USP31: variants seen among roughly 807,000 people sequenced by gnomAD.
The protein encoded by USP31 is ubiquitin carboxyl-terminal hydrolase 31.
In USP31, 44 loss-of-function variants were observed where a neutral mutation model predicts 119.4. The observed-to-expected ratio is 0.37, with a 90% CI of 0.29 to 0.47. The LOEUF (loss-of-function observed/expected upper bound fraction) is 0.47, where lower values mean the gene tolerates loss of function less well. USP31 is among the 20% of genes least tolerant of loss of function. USP31 has a pLI of 0.99. For missense variants in USP31, 1,643 were observed against 1,730.2 expected, an observed-to-expected ratio of 0.95 and a Z score of 0.89; for synonymous variants, 749 against 705.6, an observed-to-expected ratio of 1.06 and a Z score of -0.97.
intron 14 of USP31, among the ~76,000 whole-genome samples, chr16:23,073,491 C>T (rs1900428602): frequency 6.6e-6 from 1 of 152,284 alleles, no homozygotes; most frequent in Non-Finnish European, 1.5e-5. Context: ...GCTTTCTTTG[C>T]GCCAGGTCCA....
chr16:23,143,778 A>C (rs1903425078), intron 1 of USP31, among the ~76,000 whole-genome samples: 1 of 152,088 alleles, frequency 6.6e-6, no homozygotes, highest in Non-Finnish European at 1.5e-5. Flanking sequence ...ATTGTGTGAC[A>C]TTTAGCAGCA....
Position 23,068,391 on chromosome 16 carries a change from G to C in USP31, c.3714C>G (p.Thr1238=), listed in dbSNP as rs372734656. 6 of 1,613,856 alleles carry C rather than the reference G, an allele frequency of 3.7e-6. No individual in the cohort carries two copies. The highest frequency in any genetic ancestry group is 4.2e-6 in the Non-Finnish European group (5 of 1,180,050). ...FFKSALRQKE[T]RRSTDLGKTA... is the part of the protein sequence containing the mutation. ...TCTTGCCAAGATCCGTCGAGCGCCG[G>C]GTTTCCTTCTGTCTCAAGGCTGATT... Residue 1238 remains threonine (T), a synonymous_variant, in exon 16 of 16, where the codon ACC becomes ACG. Transcript: ENST00000219689.
chr16:23,135,141 A>T (rs1388650598), intron 1 of USP31, among the ~76,000 whole-genome samples: 1 of 133,824 alleles, frequency 7.5e-6, no homozygotes, highest in Non-Finnish European at 1.7e-5. Flanking sequence ...ATGATTTAAA[A>T]AAAAAAAAAA....
intron 11 of USP31, 75 bp from the exon 12 acceptor site, chr16:23,082,632 C>T: frequency 6.3e-7 from 1 of 1,592,014 alleles, no homozygotes; most frequent in Non-Finnish European, 8.6e-7. Flanking sequence ...AATGCCTTAG[C>T]CAGGGCATGG....
At chr16:23,117,706 C>A (rs1410239292) in intron 1 of USP31, among the ~76,000 whole-genome samples, 2 of 151,384 alleles carry the variant, frequency 1.3e-5, no homozygotes, top group South Asian at 2.1e-4. Context: ...TTATGAATAC[C>A]AGGGTTCAAG....
rs770213039 is a variant in USP31, at chr16:23,068,766, C to T, written c.3339G>A (p.Gln1113=). The T allele has an allele frequency of 6.3e-7, 1 of 1,580,938 alleles. No homozygotes were observed. The highest frequency in any genetic ancestry group is 1.4e-5 in the African/African-American group (1 of 73,482). The change falls in exon 16 of 16, where the codon CAG becomes CAA. Residue 1113 remains glutamine, a synonymous_variant. Transcript: ENST00000219689. ...SQDSVSSPSP[Q]KQKSASALTY... ...TGAGGGCCGAGGCTGACTTCTGCTT[C>T]TGTGGCGAAGGAGATGACACGGAGT...
At chr16:23,095,466 G>A (rs1901562829) in intron 6 of USP31, among the ~76,000 whole-genome samples, 1 of 152,138 alleles carries the variant, frequency 6.6e-6, no homozygotes, top group Admixed American at 6.5e-5. Flanking sequence ...TAGCAAGGCA[G>A]GCCAACATTC....
At chr16:23,074,153 A>C (rs1567225662) in intron 13 of USP31, among the ~76,000 whole-genome samples, 2 of 152,192 alleles carry the variant, frequency 1.3e-5, no homozygotes, top group African/African-American at 4.8e-5. Context: ...CAACCAGGGA[A>C]CTGTGTCTGT....
At chr16:23,074,913 AAAC>A (rs1254642446) in intron 13 of USP31, among the ~76,000 whole-genome samples, 2 of 152,238 alleles carry the variant, frequency 1.3e-5, no homozygotes, top group Non-Finnish European at 2.9e-5. Context: ...GGGTGAGAAT[AAAC>A]GAGTGCTAGA....
At chr16:23,140,432 A>T (rs1903321379) in intron 1 of USP31, among the ~76,000 whole-genome samples, 1 of 152,148 alleles carries the variant, frequency 6.6e-6, no homozygotes, top group South Asian at 2.1e-4. Context: ...CCAACAACAA[A>T]GAATTAGCCA....
At chr16:23,092,211 C>T (rs1432098658) in intron 6 of USP31, among the ~76,000 whole-genome samples, 1 of 152,174 alleles carries the variant, frequency 6.6e-6, no homozygotes, top group Non-Finnish European at 1.5e-5. Context: ...TAGAGGCTAA[C>T]GCAGACTCAA....
chr16:23,139,168 C>T (rs1903278164), intron 1 of USP31, among the ~76,000 whole-genome samples: 1 of 152,122 alleles, frequency 6.6e-6, no homozygotes, highest in Non-Finnish European at 1.5e-5. Context: ...TTTGGGAGGC[C>T]GAGGCGGGTG....
chr16:23,134,833 A>G (rs1047385200), intron 1 of USP31, among the ~76,000 whole-genome samples: 1 of 151,982 alleles, frequency 6.6e-6, no homozygotes, highest in African/African-American at 2.4e-5. Flanking sequence ...CTAAAAGAGG[A>G]AGAGAATGAG....
chr16:23,125,791 G>A (rs2141891502), intron 1 of USP31, among the ~76,000 whole-genome samples: 1 of 152,234 alleles, frequency 6.6e-6, no homozygotes, highest in East Asian at 1.9e-4. Context: ...TAATTACTGG[G>A]AGCAACTCTG....
rs1227556861 is a variant in USP31, at chr16:23,082,365, C to T, written c.1950+73G>A. On this transcript the variant is annotated intron_variant, in intron 12 of 15. Transcript: ENST00000219689. ...AAACAGGTATACCAAAGAACCCTCACAGAGCCCATCAGCAGGGGGCATAAG... is the reference window on the plus strand; with the variant it reads ...AAACAGGTATACCAAAGAACCCTCATAGAGCCCATCAGCAGGGGGCATAAG... The T allele has an allele frequency of 2.5e-6, 4 of 1,586,530 alleles. No individual in the cohort carries two copies. In the South Asian group the frequency reaches 3.4e-5, roughly 14 times the overall value.
chr16:23,121,490 C>G (rs1451645938), intron 1 of USP31, among the ~76,000 whole-genome samples: 2 of 152,198 alleles, frequency 1.3e-5, no homozygotes, highest in African/African-American at 2.4e-5. Flanking sequence ...CAATTCTAGT[C>G]AGTTCAGGCC....
In USP31 at chr16:23,090,803, T is replaced by C; in HGVS notation, c.1236A>G (p.Gly412=). The change falls in exon 7 of 16, where the codon GGA becomes GGG. Residue 412 remains glycine (G), a splice_region_variant and synonymous_variant. Transcript: ENST00000219689. ...GGTTTAGGTTGTTGTTTAAATGAATTCCTGAAACAGAATAAAAACAACTCA... is the reference window on the plus strand; with the variant it reads ...GGTTTAGGTTGTTGTTTAAATGAATCCCTGAAACAGAATAAAAACAACTCA... ...FRPEGILSQR[G]IHLNNNLNHL... is the part of the protein sequence containing the mutation. 6.5e-7 allele frequency: 1 copy of C among 1,537,528 alleles called. No individual in the cohort carries two copies. The highest frequency in any genetic ancestry group is 1.7e-5 in the Admixed American group (1 of 58,110).
chr16:23,137,267 T>C (rs924211561), intron 1 of USP31, among the ~76,000 whole-genome samples: 5 of 152,144 alleles, frequency 3.3e-5, no homozygotes, highest in African/African-American at 1.2e-4. Context: ...CTAGGATGGC[T>C]ATAATCAAAA....
In USP31 at chr16:23,149,143, GC is replaced by G; in HGVS notation, c.127del (p.Ala43ArgfsTer23). 1 of 1,190,848 alleles carries G rather than the reference GC, an allele frequency of 8.4e-7. No homozygotes were observed. The highest frequency in any genetic ancestry group is 3.0e-5 in the South Asian group (1 of 32,904). The allele number at this position is 1,190,848 out of a possible 1,614,324, so 73.8% of individuals were successfully genotyped here. A position where few individuals can be genotyped will look rare whatever the true frequency, so the allele number is the denominator to read the frequency against. On this transcript the variant is annotated frameshift_variant, in exon 1 of 16. Transcript: ENST00000219689. LOFTEE classifies it high-confidence loss of function. ...AGGGGAGGPG[A>X]SGPAAPSSPS... Reference sequence around the variant, plus strand: ...CGAGGAAGGCGCGGCCGGCCCGGACGCCCCGGGGCCCCCCGCGCCGCCGCCG... The same window carrying G: ...CGAGGAAGGCGCGGCCGGCCCGGACGCCCGGGGCCCCCCGCGCCGCCGCCG...
Sources: allele counts gnomAD v4.1 joint callset (sites outside exome capture counted in the v4.1 genomes callset), GRCh38; gene constraint gnomAD v4.1.1; transcripts MANE v1.5; gene names NCBI Gene and HGNC (gene_info 2026-07-23, HGNC 2026-07-21).